CDKL4: variants seen among roughly 807,000 people sequenced by gnomAD.
The protein encoded by CDKL4 is cyclin dependent kinase like 4, also known as cyclin-dependent kinase-like 4.
Under a neutral mutation model 42.0 loss-of-function variants are expected in CDKL4, and 44 were observed. The ratio of observed to expected loss-of-function variants is 1.05; its 90% CI spans 0.82 to 1.35. The LOEUF is 1.35. CDKL4 is among the 40% of genes most tolerant of loss of function. The probability of loss-of-function intolerance (pLI) is 0.00; values close to 1 mark genes in which losing one functional copy is unlikely to be tolerated. For missense variants in CDKL4, 393 were observed against 369.9 expected (o/e 1.06, Z -0.51); for synonymous variants, 120 against 121.6 (o/e 0.99, Z 0.09).
intron 1 of CDKL4, among the ~76,000 whole-genome samples, chr2:39,233,077 A>AAGGAAAAAG (rs1679167605): frequency 7.3e-6 from 1 of 137,486 alleles, no homozygotes; most frequent in Non-Finnish European, 1.5e-5. Flanking sequence ...AGAAAGAAAG[A>AAGGAAAAAG]AAAAGAAAAG....
intron 1 of CDKL4, among the ~76,000 whole-genome samples, chr2:39,230,708 T>C (rs1222756375): frequency 6.6e-6 from 1 of 152,174 alleles, no homozygotes; most frequent in Admixed American, 6.5e-5. Context: ...CTAATAACAA[T>C]TACAATAATA....
intron 4 of CDKL4, among the ~76,000 whole-genome samples, chr2:39,210,649 T>C (rs746132083): frequency 5.9e-5 from 9 of 152,226 alleles, no homozygotes; most frequent in Admixed American, 1.3e-4. Context: ...TGTCTGGTTA[T>C]ATAGGGATAA....
At chr2:39,168,709 TAA>T in the CDKL4 span, among the ~76,000 whole-genome samples, 9 of 132,312 alleles carry the variant, frequency 6.8e-5, no homozygotes, top group Non-Finnish European at 8.0e-5. Flanking sequence ...AAACTCCATC[TAA>T]AAAAAAAAAA....
At chr2:39,184,257 T>A (rs1221176684) in intron 8 of CDKL4, among the ~76,000 whole-genome samples, 1 of 152,284 alleles carries the variant, frequency 6.6e-6, no homozygotes, top group Non-Finnish European at 1.5e-5. Flanking sequence ...TGTGGCGCCA[T>A]GAATGGCAGA....
chr2:39,224,536 T>C (rs112129776), intron 3 of CDKL4, among the ~76,000 whole-genome samples: 4,855 of 150,200 alleles, frequency 0.032, 282 homozygotes, highest in African/African-American at 0.11. Flanking sequence ...CAGAGTCTTG[T>C]TCTGTCACCA....
At chr2:39,228,673 G>A (rs1678908036) in intron 2 of CDKL4, among the ~76,000 whole-genome samples, 1 of 152,046 alleles carries the variant, frequency 6.6e-6, no homozygotes, top group South Asian at 2.1e-4. Context: ...GGTCCCCGGG[G>A]ATTCCAATGC....
chr2:39,233,044 C>CAAAAAAAA (rs72150084), intron 1 of CDKL4, among the ~76,000 whole-genome samples: 15 of 65,982 alleles, frequency 2.3e-4, no homozygotes, highest in Non-Finnish European at 2.7e-4. Context: ...GACTCCATCT[C>CAAAAAAAA]AAAAAAAAAA....
intron 3 of CDKL4, among the ~76,000 whole-genome samples, chr2:39,222,168 C>T (rs901920785): frequency 9.9e-5 from 15 of 152,048 alleles, no homozygotes; most frequent in African/African-American, 1.7e-4. Flanking sequence ...AAAACATATA[C>T]GGTATAAATA....
At chr2:39,173,642 T>C (rs1675059065), downstream of CDKL4, among the ~76,000 whole-genome samples, 1 of 152,086 alleles carries the variant, frequency 6.6e-6, no homozygotes. Flanking sequence ...ACCCTGTCTC[T>C]ACTAAAAATA....
At chr2:39,213,518 T>C in intron 3 of CDKL4, 46 bp from the exon 4 acceptor site, 2 of 1,342,974 alleles carry the variant, frequency 1.5e-6, no homozygotes, top group Non-Finnish European at 2.1e-6. Flanking sequence ...TAGGATAGAG[T>C]TCCAGAAGCA....
At chr2:39,199,189 C>G (rs1198701078) in intron 5 of CDKL4, among the ~76,000 whole-genome samples, 2 of 151,924 alleles carry the variant, frequency 1.3e-5, no homozygotes, top group African/African-American at 4.8e-5. Context: ...TACAAAAGAT[C>G]ACTCAAGGCT....
intron 1 of CDKL4, among the ~76,000 whole-genome samples, chr2:39,238,269 A>C (rs866568359): frequency 1.3e-5 from 2 of 152,174 alleles, no homozygotes; most frequent in African/African-American, 4.8e-5. Flanking sequence ...TATCTCTAAA[A>C]AAATAAAAAA....
intron 7 of CDKL4, among the ~76,000 whole-genome samples, 190 bp downstream of exon 7, chr2:39,187,437 G>A (rs922168657): frequency 2.7e-5 from 4 of 148,026 alleles, no homozygotes; most frequent in Non-Finnish European, 6.0e-5. Flanking sequence ...TTCCAGCATT[G>A]GGGAGGCTGA....
intron 3 of CDKL4, among the ~76,000 whole-genome samples, chr2:39,220,333 C>T (rs1678226600): frequency 6.6e-6 from 1 of 152,094 alleles, no homozygotes; most frequent in Non-Finnish European, 1.5e-5. Flanking sequence ...CTTCAAGCCT[C>T]CTCTCCCCAC....
At chr2:39,212,419 G>A (rs1010478400) in intron 4 of CDKL4, among the ~76,000 whole-genome samples, 67 of 151,730 alleles carry the variant, frequency 4.4e-4, no homozygotes, top group African/African-American at 1.6e-3. Flanking sequence ...ATTTTTAGTA[G>A]AGACAGGGTT....
chr2:39,193,860 G>A (rs578215263), intron 5 of CDKL4, among the ~76,000 whole-genome samples: 1 of 152,266 alleles, frequency 6.6e-6, no homozygotes, highest in East Asian at 1.9e-4. Context: ...CCCATGTTGT[G>A]AGCTGTAGCG....
rs1675259430 is a variant in CDKL4 at position 39,178,496 on chromosome 2, T to A, written c.927+691A>T. 2.7e-6 allele frequency: 4 copies of A among 1,472,168 alleles called. No individual in the cohort carries two copies. The Admixed American group carries it at 7.9e-5, about 29-fold the overall frequency. The allele number at this position is 1,472,168 out of a possible 1,614,324, so 91.2% of individuals were successfully genotyped here. A position where few individuals can be genotyped will look rare whatever the true frequency, so the allele number is the denominator to read the frequency against. ...TCAGATACTGTTTTAGGTGCCGGGT[T>A]TACAAGGTGAGAAAAAGCCCTGAAC... On this transcript the variant is annotated intron_variant, in intron 9 of 9. Coordinates refer to ENST00000451199, the Ensembl canonical transcript of CDKL4.
rs557800128 is a variant in CDKL4, at chr2:39,185,310, A to G, written c.736-663T>C. On this transcript the variant is annotated intron_variant, in intron 7 of 9. Transcript: ENST00000451199. ...TATATACATATATATACACATATGT[A>G]TATATACATATATATACACATATGT... Among the ~76,000 whole-genome samples, 6 of 22,628 alleles carry G rather than the reference A, an allele frequency of 2.7e-4. 1 individual carries two copies. Among genetic ancestry groups the G allele is most frequent in the African/African-American group, 5.0e-4 (5 of 10,032 alleles). 14.8% of individuals were successfully genotyped at this position (22,628 alleles called of 152,430 possible).
At chr2:39,169,659 G>C in the CDKL4 span, among the ~76,000 whole-genome samples, 1 of 152,170 alleles carries the variant, frequency 6.6e-6, no homozygotes, top group Non-Finnish European at 1.5e-5. Flanking sequence ...TGAGAAAACA[G>C]CAAAGCTACA....
Sources: gnomAD v4.1 joint callset for allele counts (sites outside exome capture counted in the v4.1 genomes callset) on GRCh38, gnomAD v4.1.1 for gene constraint, MANE v1.5 for transcripts, NCBI Gene and HGNC (gene_info 2026-07-23, HGNC 2026-07-21) for gene names.